The following EXOC4 variants were observed in gnomAD, a reference collection of about 807,000 sequenced individuals.
EXOC4 encodes the protein SEC8-like 1.
A neutral mutation model predicts 107.2 loss-of-function variants in EXOC4; 71 were observed. The ratio of observed to expected loss-of-function variants is 0.66; its 90% CI spans 0.55 to 0.81. The LOEUF (loss-of-function observed/expected upper bound fraction) is 0.81, where lower values mean the gene tolerates loss of function less well. EXOC4 is among the 30% of genes least tolerant of loss of function. The pLI is 0.00. For synonymous variants in EXOC4, 456 were observed against 441.2 expected (o/e 1.03, Z -0.42); for missense variants, 1,108 against 1,189.6 (o/e 0.93, Z 1.01).
intron 10 of EXOC4, among the ~76,000 whole-genome samples, chr7:133,749,122 A>G (rs1161223693): frequency 6.6e-6 from 1 of 152,200 alleles, no homozygotes; most frequent in Non-Finnish European, 1.5e-5. Context: ...GCATTCGTAC[A>G]TATAACTCAC....
intron 10 of EXOC4, among the ~76,000 whole-genome samples, chr7:133,706,467 G>A (rs1482080292): frequency 2.6e-5 from 4 of 152,054 alleles, no homozygotes; most frequent in African/African-American, 4.8e-5. Context: ...TTGACTAAGA[G>A]CCCTCTCTGA....
intron 5 of EXOC4, among the ~76,000 whole-genome samples, chr7:133,330,019 C>A (rs980269037): frequency 6.6e-6 from 1 of 152,136 alleles, no homozygotes; most frequent in Non-Finnish European, 1.5e-5. Context: ...AAGCTGTGCC[C>A]ACAGCTGCCC....
chr7:133,687,242 T>C (rs1460938417), intron 10 of EXOC4, among the ~76,000 whole-genome samples: 2 of 151,888 alleles, frequency 1.3e-5, no homozygotes, highest in South Asian at 4.1e-4. Flanking sequence ...CAGTGGACTT[T>C]AGGCACTCGG....
chr7:133,460,698 C>A (rs1015744022), intron 7 of EXOC4, among the ~76,000 whole-genome samples: 2 of 152,076 alleles, frequency 1.3e-5, no homozygotes, highest in Non-Finnish European at 1.5e-5. Context: ...CACCCACCCA[C>A]ACACACACCA....
chr7:134,017,643 T>C (rs1357090750), intron 17 of EXOC4, among the ~76,000 whole-genome samples: 1 of 152,218 alleles, frequency 6.6e-6, no homozygotes, highest in Non-Finnish European at 1.5e-5. Flanking sequence ...TTAATTGATC[T>C]CTAATTAATC....
In EXOC4 at chr7:133,630,116, A is replaced by G. The variant is rs375703536; in HGVS notation, c.1489A>G (p.Thr497Ala). Residue 497 changes from threonine to alanine, a missense_variant, in exon 10 of 18, where the codon ACC (threonine) becomes GCC (alanine). Coordinates refer to ENST00000253861, the MANE Select transcript of EXOC4 (RefSeq NM_021807.4). ...CTGCAAACCTGGAGCCAGAAACATT[A>G]CCGTCATATTCCACCCATTACTAAG... Reference protein sequence around the residue: ...FVCKPGARNITVIFHPLLRFI... With the variant: ...FVCKPGARNIAVIFHPLLRFI... 4.3e-6 allele frequency: 7 copies of G among 1,613,638 alleles called. No individual in the cohort carries two copies. The highest frequency in any genetic ancestry group is 5.9e-6 in the Non-Finnish European group (7 of 1,179,714).
chr7:133,801,992 CTTAG>C (rs1487248165), intron 10 of EXOC4, among the ~76,000 whole-genome samples: 2 of 152,136 alleles, frequency 1.3e-5, no homozygotes, highest in African/African-American at 2.4e-5. Flanking sequence ...ATATATAAAA[CTTAG>C]TTATAAAAAA....
chr7:133,422,792 A>G (rs1366918886), intron 7 of EXOC4, among the ~76,000 whole-genome samples: 1 of 152,222 alleles, frequency 6.6e-6, no homozygotes, highest in Non-Finnish European at 1.5e-5. Flanking sequence ...TAGAAAAAAA[A>G]TCTGTAGTTA....
intron 14 of EXOC4, among the ~76,000 whole-genome samples, chr7:133,978,852 T>C (rs1280864498): frequency 1.3e-5 from 2 of 152,182 alleles, no homozygotes; most frequent in East Asian, 3.9e-4. Context: ...TACATCTCAA[T>C]GGCAGAATCC....
intron 10 of EXOC4, among the ~76,000 whole-genome samples, chr7:133,792,604 A>C (rs2151186181): frequency 6.6e-6 from 1 of 150,446 alleles, no homozygotes; most frequent in East Asian, 2.0e-4. Flanking sequence ...TTGTCCGTAG[A>C]AGGTGACTAC....
At chr7:133,618,248 C>CTT (rs1288905171) in intron 9 of EXOC4, among the ~76,000 whole-genome samples, 1 of 150,880 alleles carries the variant, frequency 6.6e-6, no homozygotes, top group African/African-American at 2.4e-5. Context: ...TGTGTGTGTA[C>CTT]ATCTGTATTT....
At chr7:134,096,172 T>A in the EXOC4 span, among the ~76,000 whole-genome samples, 2 of 152,090 alleles carry the variant, frequency 1.3e-5, no homozygotes, top group South Asian at 4.1e-4. Context: ...ACAACAAATA[T>A]ATGAAAAAAT....
At chr7:133,490,882 A>G (rs1799359299) in intron 9 of EXOC4, among the ~76,000 whole-genome samples, 1 of 152,210 alleles carries the variant, frequency 6.6e-6, no homozygotes, top group Non-Finnish European at 1.5e-5. Context: ...CTATAGGAAA[A>G]AATAACTTTG....
At chr7:133,792,873 G>T (rs1171116042) in intron 10 of EXOC4, among the ~76,000 whole-genome samples, 1 of 152,114 alleles carries the variant, frequency 6.6e-6, no homozygotes, top group East Asian at 1.9e-4. Flanking sequence ...AATAGTCAAT[G>T]GCAGGTTGTC....
intron 9 of EXOC4, among the ~76,000 whole-genome samples, chr7:133,522,282 C>CTCCA: frequency 6.6e-6 from 1 of 152,052 alleles, no homozygotes; most frequent in East Asian, 1.9e-4. Context: ...TCAGCCATAA[C>CTCCA]TTAGTAGTGA....
intron 7 of EXOC4, among the ~76,000 whole-genome samples, chr7:133,395,109 C>CTTT (rs200545904): frequency 7.6e-6 from 1 of 130,886 alleles, no homozygotes. Flanking sequence ...ATACTTTTGC[C>CTTT]TTTTTTTTTT....
the EXOC4 span, among the ~76,000 whole-genome samples, chr7:134,090,374 G>T: frequency 6.6e-6 from 1 of 152,060 alleles, no homozygotes; most frequent in East Asian, 1.9e-4. Context: ...CAGTTTGTTG[G>T]GCCATCTTGA....
At chr7:133,974,866 C>A (rs1793790722) in intron 14 of EXOC4, among the ~76,000 whole-genome samples, 1 of 152,140 alleles carries the variant, frequency 6.6e-6, no homozygotes, top group Admixed American at 6.5e-5. Context: ...TTATGGAATT[C>A]TTGTGTAAGT....
At chr7:133,824,148 A>G (rs1797642323) in intron 11 of EXOC4, among the ~76,000 whole-genome samples, 1 of 151,178 alleles carries the variant, frequency 6.6e-6, no homozygotes, top group Non-Finnish European at 1.5e-5. Context: ...GAATCATAGA[A>G]TCTGTGTCAC....
Sources: allele counts gnomAD v4.1 joint callset (sites outside exome capture counted in the v4.1 genomes callset), GRCh38; gene constraint gnomAD v4.1.1; transcripts MANE v1.5; gene names NCBI Gene and HGNC (gene_info 2026-07-23, HGNC 2026-07-21).